The following CPQ variants were observed in gnomAD, a reference collection of about 807,000 sequenced individuals.
CPQ encodes carboxypeptidase Q.
Under a neutral mutation model 45.7 loss-of-function variants are expected in CPQ, and 37 were observed. That is an observed-to-expected ratio of 0.81 (90% CI 0.62 to 1.07). CPQ has a LOEUF of 1.07. Ranked by LOEUF, CPQ falls within the 50% of genes least tolerant of loss-of-function variation. The pLI is 0.00. For synonymous variants in CPQ, 186 were observed against 205.8 expected (o/e 0.90, Z 0.82); for missense variants, 537 against 572.9 (o/e 0.94, Z 0.64).
At chr8:97,037,477 G>A (rs1810023517) in intron 6 of CPQ, among the ~76,000 whole-genome samples, 1 of 152,094 alleles carries the variant, frequency 6.6e-6, no homozygotes, top group Non-Finnish European at 1.5e-5. Flanking sequence ...CTAATCAGAG[G>A]TGATTGTCTC....
chr8:96,817,156 G>T lies in CPQ; in HGVS notation c.434-17817G>T, dbSNP rs111308792. On this transcript the variant is annotated intron_variant, in intron 2 of 7. Coordinates refer to ENST00000220763, the MANE Select transcript of CPQ (RefSeq NM_016134.4). Reference sequence around the variant, plus strand: ...GTTTTGTCTACATTGAAAATCTGTTGTTCAGCGTAGTGACATACCTCAATG... The same window carrying T: ...GTTTTGTCTACATTGAAAATCTGTTTTTCAGCGTAGTGACATACCTCAATG... Among the ~76,000 whole-genome samples, 233 of 152,224 alleles carry T rather than the reference G, an allele frequency of 1.5e-3. 1 individual carries two copies. The highest frequency in any genetic ancestry group is 5.5e-3 in the African/African-American group (228 of 41,556).
intron 1 of CPQ, among the ~76,000 whole-genome samples, chr8:96,736,655 T>A (rs1269958208): frequency 6.6e-6 from 1 of 152,184 alleles, no homozygotes; most frequent in Non-Finnish European, 1.5e-5. Flanking sequence ...GCCAGATAAA[T>A]GGCTGCATAC....
chr8:96,744,414 G>A (rs1328502792), intron 1 of CPQ, among the ~76,000 whole-genome samples: 1 of 152,180 alleles, frequency 6.6e-6, no homozygotes, highest in African/African-American at 2.4e-5. Context: ...ACCTGAGATG[G>A]AAATGCAGAA....
At chr8:97,092,636 T>G (rs552483487) in intron 7 of CPQ, 98 of 152,336 alleles carry the variant, frequency 6.4e-4, no homozygotes, top group African/African-American at 2.1e-3. Context: ...AGATTGAAAC[T>G]GGACTCCTTC....
intron 6 of CPQ, among the ~76,000 whole-genome samples, chr8:97,045,396 T>A (rs1021608127): frequency 1.3e-5 from 2 of 152,170 alleles, no homozygotes; most frequent in African/African-American, 4.8e-5. Flanking sequence ...CTGTCACCCC[T>A]TTCTTTGACT....
At chr8:96,717,024 AATATATATATATAT>A (rs58338307) in intron 1 of CPQ, among the ~76,000 whole-genome samples, 793 of 56,510 alleles carry the variant, frequency 0.014, 19 homozygotes, top group Admixed American at 0.04. Context: ...CCATGATATA[AATATATATATATAT>A]ATATATATAT....
intron 7 of CPQ, among the ~76,000 whole-genome samples, chr8:97,111,915 T>C (rs34914386): frequency 0.13 from 19,311 of 152,214 alleles, 1,402 homozygotes; most frequent in African/African-American, 0.18. Context: ...GATATCTTCC[T>C]GAAGAACAGC....
At chr8:97,107,486 CTT>C (rs1017575050) in intron 7 of CPQ, among the ~76,000 whole-genome samples, 1 of 152,244 alleles carries the variant, frequency 6.6e-6, no homozygotes, top group Non-Finnish European at 1.5e-5. Flanking sequence ...CTGAATATCT[CTT>C]GAGTCCAGGA....
intron 2 of CPQ, among the ~76,000 whole-genome samples, chr8:96,820,812 C>A (rs930508963): frequency 6.6e-6 from 1 of 151,964 alleles, no homozygotes; most frequent in African/African-American, 2.4e-5. Flanking sequence ...GATTTCCTTT[C>A]TTTTTGATAT....
chr8:96,911,194 G>A (rs1013529824), intron 4 of CPQ, among the ~76,000 whole-genome samples: 3 of 150,908 alleles, frequency 2.0e-5, no homozygotes, highest in Non-Finnish European at 3.0e-5. Flanking sequence ...GGTTTGCACC[G>A]AAAGTAGTTA....
intron 1 of CPQ, among the ~76,000 whole-genome samples, chr8:96,755,746 TTG>T (rs1810319080): frequency 6.6e-6 from 1 of 151,634 alleles, no homozygotes; most frequent in Non-Finnish European, 1.5e-5. Context: ...CGAAATTTTG[TTG>T]TTTTATTTAT....
intron 1 of CPQ, among the ~76,000 whole-genome samples, chr8:96,659,841 C>G (rs772124303): frequency 2.6e-5 from 4 of 152,204 alleles, no homozygotes; most frequent in Non-Finnish European, 5.9e-5. Flanking sequence ...ATTTTGCCCA[C>G]ATCCTTGCTG....
At chr8:97,059,797 A>G (rs905428798) in intron 6 of CPQ, among the ~76,000 whole-genome samples, 3 of 152,160 alleles carry the variant, frequency 2.0e-5, no homozygotes, top group African/African-American at 4.8e-5. Flanking sequence ...CTGACCAAAC[A>G]GCATCACCAC....
At position 96,890,636 on chromosome 8, in the gene CPQ, C is replaced by T. The variant is rs181363131; in HGVS notation, c.849+10631C>T. ...TCTTGATAATCCGGATCAGTTGCCC[C>T]GGCCAACACTGTAACTCCCTTCTTA... is the stretch of plus-strand genomic sequence containing the variant. On this transcript the variant is annotated intron_variant, in intron 4 of 7. Coordinates refer to ENST00000220763, the MANE Select transcript of CPQ (RefSeq NM_016134.4). Among the ~76,000 whole-genome samples the T allele has an allele frequency of 2.9e-4, 44 of 152,292 alleles. 1 individual carries two copies. In the East Asian group the frequency reaches 7.1e-3, roughly 25 times the overall value.
At chr8:96,791,814 T>TGTGACCTTG (rs1202788678) in intron 2 of CPQ, among the ~76,000 whole-genome samples, 1 of 152,180 alleles carries the variant, frequency 6.6e-6, no homozygotes, top group Non-Finnish European at 1.5e-5. Context: ...TAACTAGTTG[T>TGTGACCTTG]GTGACCTTGG....
intron 7 of CPQ, among the ~76,000 whole-genome samples, chr8:97,085,461 C>T (rs1341530670): frequency 6.6e-6 from 1 of 151,894 alleles, no homozygotes; most frequent in Non-Finnish European, 1.5e-5. Flanking sequence ...TCTTCCTGAC[C>T]CATAAGCAAA....
At chr8:96,996,003 C>G (rs907421148) in intron 5 of CPQ, among the ~76,000 whole-genome samples, 38 of 151,652 alleles carry the variant, frequency 2.5e-4, no homozygotes, top group African/African-American at 8.7e-4. Flanking sequence ...GAAGGAATTG[C>G]CAGAAAAATA....
intron 6 of CPQ, among the ~76,000 whole-genome samples, chr8:97,039,347 G>C (rs1034657545): frequency 2.0e-5 from 3 of 151,912 alleles, no homozygotes; most frequent in African/African-American, 7.2e-5. Context: ...AATACATTTT[G>C]GCAATTTCAC....
rs530481854 is a variant in CPQ, at chr8:96,914,734, G to A, written c.849+34729G>A. Reference sequence around the variant, plus strand: ...AAACCCAGTTTGCTGACTCCAACTCGCCATAATGTTCCCCACCTCCAGCAC... The same window carrying A: ...AAACCCAGTTTGCTGACTCCAACTCACCATAATGTTCCCCACCTCCAGCAC... On this transcript the variant is annotated intron_variant, in intron 4 of 7. Coordinates refer to ENST00000220763, the MANE Select transcript of CPQ (RefSeq NM_016134.4). 7.2e-5 allele frequency among the ~76,000 whole-genome samples: 11 copies of A among 152,124 alleles called. No homozygotes were observed. The South Asian group carries it at 1.9e-3, about 26-fold the overall frequency.
Sources: gnomAD v4.1 joint callset for allele counts (sites outside exome capture counted in the v4.1 genomes callset) on GRCh38, gnomAD v4.1.1 for gene constraint, MANE v1.5 for transcripts, NCBI Gene and HGNC (gene_info 2026-07-23, HGNC 2026-07-21) for gene names.